GABBR2: variants seen among roughly 807,000 people sequenced by gnomAD.
GABBR2 encodes gamma-aminobutyric acid type B receptor subunit 2, also known as G-protein coupled receptor 51.
In GABBR2, 23 loss-of-function variants were observed where a neutral mutation model predicts 105.6. That is an observed-to-expected ratio of 0.22 (90% confidence interval 0.16 to 0.31). The LOEUF is 0.31. Ranked by LOEUF, GABBR2 falls within the 10% of genes least tolerant of loss-of-function variation. The pLI is 1.00. For missense variants in GABBR2, 734 were observed against 1,245.5 expected (o/e 0.59, Z 6.18); for synonymous variants, 478 against 499.7 (o/e 0.96, Z 0.58).
At chr9:98,555,651 A>G (rs917072730) in intron 2 of GABBR2, 1 of 152,150 alleles carries the variant, frequency 6.6e-6, no homozygotes, top group Admixed American at 6.5e-5. Flanking sequence ...CCTTTTAATT[A>G]CCTCACTGCA....
intron 1 of GABBR2, among the ~76,000 whole-genome samples, chr9:98,612,727 GA>G (rs869070985): frequency 3.9e-5 from 6 of 152,144 alleles, no homozygotes; most frequent in Non-Finnish European, 7.4e-5. Context: ...TCTCAGGGGG[GA>G]AAAAACCACA....
intron 3 of GABBR2, among the ~76,000 whole-genome samples, chr9:98,508,575 C>T (rs1827562962): frequency 6.6e-6 from 1 of 152,222 alleles, no homozygotes; most frequent in Non-Finnish European, 1.5e-5. Context: ...TAATACTGCG[C>T]TTTTCCAACG....
intron 12 of GABBR2, among the ~76,000 whole-genome samples, chr9:98,369,631 G>A (rs1831743474): frequency 6.6e-6 from 1 of 152,230 alleles, no homozygotes; most frequent in Admixed American, 6.5e-5. Flanking sequence ...CTCGGGCTGG[G>A]TTGCTGTCTG....
chr9:98,295,815 T>C lies in GABBR2; in HGVS notation c.2543-1913A>G, dbSNP rs112466752. On this transcript the variant is annotated intron_variant, in intron 17 of 18. Transcript: ENST00000259455. ...CTGGGATTACAGGCTTGAGCCACTG[T>C]GCTCAGCCTAAATAAGATGTCTTTA... is the stretch of plus-strand genomic sequence containing the variant. Among the ~76,000 whole-genome samples, 933 of 152,354 alleles carry C rather than the reference T, an allele frequency of 6.1e-3. 8 individuals are homozygous for C. The highest frequency in any genetic ancestry group is 0.021 in the African/African-American group (864 of 41,584).
In GABBR2 at chr9:98,447,300, T is replaced by TG. The variant is rs761706224; in HGVS notation, c.1236+6680dup. 6.1e-4 allele frequency among the ~76,000 whole-genome samples: 91 copies of TG among 149,152 alleles called. 12 individuals are homozygous for TG. Among genetic ancestry groups the TG allele is most frequent in the Non-Finnish European group, 1.1e-3 (76 of 67,170 alleles). On this transcript the variant is annotated intron_variant, in intron 7 of 18. Coordinates refer to ENST00000259455, the MANE Select transcript of GABBR2 (RefSeq NM_005458.8). ...GGATGGTCTCGATCTCCTGACCTCG[T>TG]GATCCACCCGCCTCGGCCTCCCAAA...
chr9:98,666,114 C>A (rs1452231372), intron 1 of GABBR2, among the ~76,000 whole-genome samples: 2 of 152,196 alleles, frequency 1.3e-5, no homozygotes, highest in Non-Finnish European at 2.9e-5. Flanking sequence ...CTCTCACAGA[C>A]CGAATCACTC....
intron 1 of GABBR2, among the ~76,000 whole-genome samples, chr9:98,690,630 C>A (rs1439935118): frequency 6.6e-6 from 1 of 152,170 alleles, no homozygotes; most frequent in East Asian, 1.9e-4. Flanking sequence ...GGAACCAAGA[C>A]CATGATCCTC....
At chr9:98,397,410 AT>A (rs139850810) in intron 8 of GABBR2, among the ~76,000 whole-genome samples, 46 of 150,944 alleles carry the variant, frequency 3.0e-4, no homozygotes, top group African/African-American at 1.1e-3. Context: ...AGATACAGAG[AT>A]TTTTTTTTTA....
At chr9:98,393,865 C>G (rs2131506533) in intron 9 of GABBR2, among the ~76,000 whole-genome samples, 1 of 152,330 alleles carries the variant, frequency 6.6e-6, no homozygotes, top group East Asian at 1.9e-4. Context: ...CCAACCCAGT[C>G]AAACCCTTTG....
chr9:98,313,765 A>AGG (rs34667798), intron 13 of GABBR2, among the ~76,000 whole-genome samples: 61,090 of 151,880 alleles, frequency 0.4, 13,492 homozygotes, highest in African/African-American at 0.57. Context: ...ACTAGGAAGA[A>AGG]GGTACTTTGA....
In GABBR2 at chr9:98,431,316, T is replaced by C. The variant is rs183219077; in HGVS notation, c.1236+22665A>G. ...CAACCTGTATACTTTTCTCATTTAA[T>C]ATGGCAAGAACTGATTGTTTGCTCC... On this transcript the variant is annotated intron_variant, in intron 7 of 18. Coordinates refer to ENST00000259455, the MANE Select transcript of GABBR2 (RefSeq NM_005458.8). Among the ~76,000 whole-genome samples the C allele has an allele frequency of 2.2e-3, 337 of 152,274 alleles. 3 individuals carry two copies. The highest frequency in any genetic ancestry group is 7.5e-3 in the African/African-American group (312 of 41,550).
At chr9:98,450,937 T>C (rs10986316) in intron 7 of GABBR2, among the ~76,000 whole-genome samples, 6,121 of 152,146 alleles carry the variant, frequency 0.04, 247 homozygotes, top group East Asian at 0.21. Context: ...AAATGCAGAG[T>C]TCTAGGATTG....
chr9:98,668,488 A>G (rs904672456), intron 1 of GABBR2, among the ~76,000 whole-genome samples: 2 of 152,140 alleles, frequency 1.3e-5, no homozygotes, highest in Non-Finnish European at 2.9e-5. Context: ...TAACTTTCTT[A>G]ATTCCTTTTT....
chr9:98,664,906 G>A (rs1384346329), intron 1 of GABBR2, among the ~76,000 whole-genome samples: 2 of 151,788 alleles, frequency 1.3e-5, no homozygotes, highest in Non-Finnish European at 2.9e-5. Flanking sequence ...TGGGAGGATC[G>A]CTTGAGCCCA....
At chr9:98,398,482 C>G (rs1832333634) in intron 8 of GABBR2, among the ~76,000 whole-genome samples, 1 of 152,028 alleles carries the variant, frequency 6.6e-6, no homozygotes, top group Non-Finnish European at 1.5e-5. Flanking sequence ...ATCTCTGTAG[C>G]CCCAAACTCC....
At chr9:98,316,082 C>CATT (rs1830712128) in intron 13 of GABBR2, among the ~76,000 whole-genome samples, 1 of 152,194 alleles carries the variant, frequency 6.6e-6, no homozygotes, top group African/African-American at 2.4e-5. Context: ...CTCTTCTGTA[C>CATT]AGGACAGCAT....
At chr9:98,535,710 G>A (rs777898203) in intron 3 of GABBR2, among the ~76,000 whole-genome samples, 3 of 152,020 alleles carry the variant, frequency 2.0e-5, no homozygotes, top group Non-Finnish European at 2.9e-5. Flanking sequence ...AACTAAACAA[G>A]CTATCAAGCA....
At chr9:98,336,346 A>C (rs1450297884) in intron 13 of GABBR2, among the ~76,000 whole-genome samples, 1 of 152,198 alleles carries the variant, frequency 6.6e-6, no homozygotes, top group Non-Finnish European at 1.5e-5. Flanking sequence ...GCAAGGTAAG[A>C]AGTGTGGGTT....
intron 13 of GABBR2, among the ~76,000 whole-genome samples, chr9:98,315,599 C>T (rs998206182): frequency 1.1e-4 from 17 of 152,242 alleles, no homozygotes; most frequent in Admixed American, 8.5e-4. Flanking sequence ...GTCTGTGCAG[C>T]CACACATGGG....
Sources: allele counts gnomAD v4.1 joint callset (sites outside exome capture counted in the v4.1 genomes callset), GRCh38; gene constraint gnomAD v4.1.1; transcripts MANE v1.5; gene names NCBI Gene and HGNC (gene_info 2026-07-23, HGNC 2026-07-21).